Variants in EPHA3 observed in about 807,000 individuals in gnomAD.
EPHA3 encodes the protein EPH receptor A3.
A neutral mutation model predicts 107.1 loss-of-function variants in EPHA3; 42 were observed. The observed-to-expected ratio is 0.39, with a 90% CI of 0.31 to 0.51. The LOEUF (loss-of-function observed/expected upper bound fraction) is 0.51, where lower values mean the gene tolerates loss of function less well. Among genes scored for constraint, EPHA3 ranks in the 20% least tolerant of loss-of-function variants. EPHA3 has a pLI of 0.78. For missense variants in EPHA3, 1,183 were observed against 1,211.2 expected, an observed-to-expected ratio of 0.98 and a Z score of 0.35; for synonymous variants, 461 against 424.8, an observed-to-expected ratio of 1.09 and a Z score of -1.05.
intron 3 of EPHA3, among the ~76,000 whole-genome samples, chr3:89,296,482 T>C (rs1214044678): frequency 6.6e-6 from 1 of 152,218 alleles, no homozygotes; most frequent in Admixed American, 6.5e-5. Flanking sequence ...AAGAAATCTT[T>C]TTTTGAGCAA....
chr3:89,413,190 C>T lies in EPHA3; in HGVS notation c.1812C>T (p.Asp604=). Residue 604 remains aspartate, a synonymous_variant, in exon 10 of 17, where the codon GAC becomes GAT. Transcript: ENST00000336596. ...ATGTTGACCCACATACATATGAAGA[C>T]CCTACCCAAGCTGTTCATGAGTTTG... is the stretch of plus-strand genomic sequence containing the variant. ...RTYVDPHTYE[D]PTQAVHEFAK... is the part of the protein sequence containing the mutation. 3 of 1,611,822 alleles carry T rather than the reference C, an allele frequency of 1.9e-6. No individual in the cohort carries two copies. The highest frequency in any genetic ancestry group is 2.5e-6 in the Non-Finnish European group (3 of 1,178,470).
chr3:89,206,371 T>C (rs1242903496), intron 2 of EPHA3, among the ~76,000 whole-genome samples: 1 of 152,222 alleles, frequency 6.6e-6, no homozygotes, highest in African/African-American at 2.4e-5. Flanking sequence ...TGCTGTTCAT[T>C]GCAGAATAAA....
At chr3:89,433,563 T>A (rs1327781826) in intron 13 of EPHA3, among the ~76,000 whole-genome samples, 1 of 152,188 alleles carries the variant, frequency 6.6e-6, no homozygotes. Context: ...AATTTTCAAA[T>A]ATACTCTGTA....
chr3:89,145,990 T>C (rs558007628), intron 2 of EPHA3, among the ~76,000 whole-genome samples: 1 of 152,048 alleles, frequency 6.6e-6, no homozygotes, highest in East Asian at 1.9e-4. Context: ...GGAAAGGAAA[T>C]CCTTACAGTA....
chr3:89,146,427 T>C (rs1288738210), intron 2 of EPHA3, among the ~76,000 whole-genome samples: 1 of 152,010 alleles, frequency 6.6e-6, no homozygotes, highest in East Asian at 1.9e-4. Flanking sequence ...ATTTGTTGGC[T>C]GCATAAAGTC....
intron 16 of EPHA3, among the ~76,000 whole-genome samples, chr3:89,476,675 T>C (rs1171478663): frequency 6.6e-6 from 1 of 151,582 alleles, no homozygotes; most frequent in African/African-American, 2.4e-5. Flanking sequence ...TGGCGCGATC[T>C]CGGCTCACTG....
chr3:89,237,887 G>A (rs760371515), intron 3 of EPHA3, among the ~76,000 whole-genome samples: 1 of 152,020 alleles, frequency 6.6e-6, no homozygotes, highest in Non-Finnish European at 1.5e-5. Context: ...ACTGAGGTGG[G>A]AGGATTGCTA....
chr3:89,135,075 CAT>C (rs1419198180), intron 2 of EPHA3, among the ~76,000 whole-genome samples: 3 of 152,134 alleles, frequency 2.0e-5, no homozygotes, highest in Non-Finnish European at 2.9e-5. Flanking sequence ...GCAGTTTAAA[CAT>C]AGTAATTTGG....
chr3:89,220,650 A>G (rs1008488148), intron 3 of EPHA3, among the ~76,000 whole-genome samples: 2 of 152,174 alleles, frequency 1.3e-5, no homozygotes, highest in African/African-American at 4.8e-5. Flanking sequence ...TTACAGAGTT[A>G]GTTTCCTTTG....
At chr3:89,368,889 T>A (rs2107467975) in intron 5 of EPHA3, among the ~76,000 whole-genome samples, 1 of 150,756 alleles carries the variant, frequency 6.6e-6, no homozygotes, top group Admixed American at 6.7e-5. Flanking sequence ...AATTGACACA[T>A]AAAATTAACC....
At chr3:89,331,415 A>T (rs961663508) in intron 3 of EPHA3, among the ~76,000 whole-genome samples, 2 of 152,176 alleles carry the variant, frequency 1.3e-5, no homozygotes, top group African/African-American at 4.8e-5. Flanking sequence ...CCATTATACA[A>T]ATGTATGAGA....
intron 3 of EPHA3, among the ~76,000 whole-genome samples, chr3:89,327,474 C>T (rs979417706): frequency 1.3e-5 from 2 of 152,060 alleles, no homozygotes; most frequent in South Asian, 4.1e-4. Flanking sequence ...ACTGTAAGCG[C>T]TAAGAAACCA....
rs879515047 is a variant in EPHA3, at chr3:89,481,350, A to T, written c.*1848A>T. The T allele has an allele frequency of 8.6e-6, 2 of 232,112 alleles. No homozygotes were observed. Among genetic ancestry groups the T allele is most frequent in the Non-Finnish European group, 1.7e-5 (2 of 117,428 alleles). 14.4% of individuals were successfully genotyped at this position (232,112 alleles called of 1,614,324 possible). ...TCTGTATTGGATATATAAGAGCATG[A>T]AATTTTTAAAAATACACTTGTGATT... On this transcript the variant is annotated 3_prime_UTR_variant, in exon 17 of 17. Coordinates refer to ENST00000336596, the MANE Select transcript of EPHA3 (RefSeq NM_005233.6).
chr3:89,261,611 A>G (rs914722443), intron 3 of EPHA3, among the ~76,000 whole-genome samples: 5 of 152,094 alleles, frequency 3.3e-5, no homozygotes, highest in African/African-American at 1.2e-4. Context: ...CAAAATAAAT[A>G]TATCTTAAAT....
At chr3:89,453,508 T>C (rs1486110645) in intron 15 of EPHA3, among the ~76,000 whole-genome samples, 1 of 152,124 alleles carries the variant, frequency 6.6e-6, no homozygotes. Context: ...AAAAAATCAA[T>C]ATTTTCTATG....
chr3:89,286,729 T>C (rs1322890087), intron 3 of EPHA3, among the ~76,000 whole-genome samples: 4 of 152,092 alleles, frequency 2.6e-5, no homozygotes, highest in Non-Finnish European at 5.9e-5. Flanking sequence ...ATATGGTATG[T>C]TTGAAAGTCA....
chr3:89,133,884 T>G (rs1420124196), intron 2 of EPHA3, among the ~76,000 whole-genome samples: 1 of 152,128 alleles, frequency 6.6e-6, no homozygotes, highest in Non-Finnish European at 1.5e-5. Flanking sequence ...CTTTGGGAAG[T>G]GCTTTGGAGC....
chr3:89,447,367 C>G (rs1289316052), intron 13 of EPHA3, among the ~76,000 whole-genome samples: 1 of 152,112 alleles, frequency 6.6e-6, no homozygotes, highest in Non-Finnish European at 1.5e-5. Flanking sequence ...TCCATTTCCT[C>G]AATTCTCTGC....
chr3:89,338,277 A>G (rs1165736486), intron 3 of EPHA3, among the ~76,000 whole-genome samples: 7 of 152,090 alleles, frequency 4.6e-5, no homozygotes, highest in African/African-American at 1.7e-4. Flanking sequence ...AACAGTTTGT[A>G]TTTTTCATGT....
Sources: allele counts gnomAD v4.1 joint callset (sites outside exome capture counted in the v4.1 genomes callset), GRCh38; gene constraint gnomAD v4.1.1; transcripts MANE v1.5; gene names NCBI Gene and HGNC (gene_info 2026-07-23, HGNC 2026-07-21).